The following COX10 variants were observed in gnomAD, a reference collection of about 807,000 sequenced individuals.
The protein encoded by COX10 is cytochrome c oxidase assembly factor heme A:farnesyltransferase COX10.
In COX10, 27 loss-of-function variants were observed where a neutral mutation model predicts 37.3. The ratio of observed to expected loss-of-function variants is 0.72; its 90% CI spans 0.53 to 1.00. The LOEUF (loss-of-function observed/expected upper bound fraction) is 1.00, where lower values mean the gene tolerates loss of function less well. Ranked by LOEUF, COX10 falls within the 50% of genes least tolerant of loss-of-function variation. The pLI, the probability that COX10 is intolerant of heterozygous loss-of-function variation, is 0.00. For missense variants in COX10, 475 were observed against 563.2 expected, an observed-to-expected ratio of 0.84 and a Z score of 1.59; for synonymous variants, 222 against 229.1, an observed-to-expected ratio of 0.97 and a Z score of 0.28.
chr17:14,070,381 G>A (rs1597488709), intron 1 of COX10, among the ~76,000 whole-genome samples: 1 of 152,020 alleles, frequency 6.6e-6, no homozygotes, highest in African/African-American at 2.4e-5. Context: ...TTATATACTC[G>A]TTTATTATTT....
intron 5 of COX10, among the ~76,000 whole-genome samples, chr17:14,184,185 C>A (rs1905955496): frequency 1.3e-5 from 2 of 152,132 alleles, no homozygotes; most frequent in Admixed American, 6.5e-5. Context: ...AGCCTTTTTA[C>A]CTAAGCAAGT....
chr17:14,170,101 A>G (rs1399804458), intron 5 of COX10, among the ~76,000 whole-genome samples: 1 of 152,234 alleles, frequency 6.6e-6, no homozygotes, highest in Non-Finnish European at 1.5e-5. Context: ...CAGAAGCCAG[A>G]GCCATGCCCT....
chr17:14,119,145 G>A (rs1916175774), intron 4 of COX10, among the ~76,000 whole-genome samples: 1 of 152,088 alleles, frequency 6.6e-6, no homozygotes, highest in African/African-American at 2.4e-5. Context: ...CTCATATGCA[G>A]AGTGTGTGGT....
chr17:14,109,418 T>A (rs1915966036), intron 4 of COX10, among the ~76,000 whole-genome samples: 2 of 152,166 alleles, frequency 1.3e-5, no homozygotes, highest in African/African-American at 4.8e-5. Flanking sequence ...CCAAAATAAC[T>A]CCAGGTGAGG....
At chr17:14,131,199 C>T (rs2142219454) in intron 4 of COX10, among the ~76,000 whole-genome samples, 1 of 152,194 alleles carries the variant, frequency 6.6e-6, no homozygotes, top group Middle Eastern at 3.4e-3. Flanking sequence ...TAAGCAGTTA[C>T]TGTAATTTAG....
At chr17:14,083,419 G>A (rs1204993965) in intron 3 of COX10, among the ~76,000 whole-genome samples, 2 of 152,128 alleles carry the variant, frequency 1.3e-5, no homozygotes, top group African/African-American at 4.8e-5. Context: ...CATCTCACAC[G>A]ATTCATTTAT....
intron 4 of COX10, among the ~76,000 whole-genome samples, chr17:14,115,471 G>C (rs1199827551): frequency 1.3e-5 from 2 of 152,068 alleles, no homozygotes; most frequent in African/African-American, 4.8e-5. Context: ...ATAATATGGA[G>C]ATCTCTCAAA....
At position 14,196,442 on chromosome 17, in the gene COX10, T is replaced by C. The variant is rs118182716; in HGVS notation, c.928+4221T>C. Among the ~76,000 whole-genome samples the C allele has an allele frequency of 3.9e-4, 60 of 152,302 alleles. No homozygotes were observed. The East Asian group carries it at 0.011, about 28-fold the overall frequency. On this transcript the variant is annotated intron_variant, in intron 6 of 6. Coordinates refer to ENST00000261643, the MANE Select transcript of COX10 (RefSeq NM_001303.4). ...GACCAGTTTCTTTGAGGAGGGAATATGCTTTCCAGGAAGAGGGAAGAGCCT... is the reference window on the plus strand; with the variant it reads ...GACCAGTTTCTTTGAGGAGGGAATACGCTTTCCAGGAAGAGGGAAGAGCCT...
chr17:14,179,157 A>G (rs1905777614), intron 5 of COX10: 1 of 579,162 alleles, frequency 1.7e-6, no homozygotes, highest in Non-Finnish European at 2.2e-6. Context: ...TGTGTTTCCT[A>G]GTTCAGTTAA....
intron 6 of COX10, among the ~76,000 whole-genome samples, chr17:14,196,427 T>C (rs936095275): frequency 1.3e-5 from 2 of 152,266 alleles, no homozygotes; most frequent in African/African-American, 4.8e-5. Flanking sequence ...GACCAGTTTC[T>C]TTGAGGAGGG....
intron 3 of COX10, among the ~76,000 whole-genome samples, chr17:14,098,069 A>T (rs967740021): frequency 2.0e-5 from 3 of 152,178 alleles, no homozygotes; most frequent in East Asian, 1.9e-4. Context: ...GAACCTATGG[A>T]TACAGAAGTC....
chr17:14,161,352 A>T (rs1416912507), intron 5 of COX10, among the ~76,000 whole-genome samples: 1 of 152,218 alleles, frequency 6.6e-6, no homozygotes, highest in Non-Finnish European at 1.5e-5. Flanking sequence ...CAATCACAGG[A>T]TAGTAAAATC....
chr17:14,119,027 T>C (rs1916173173), intron 4 of COX10, among the ~76,000 whole-genome samples: 1 of 152,148 alleles, frequency 6.6e-6, no homozygotes, highest in South Asian at 2.1e-4. Context: ...CCTCTCAGTA[T>C]TGTTTTCCAT....
At chr17:14,117,599 T>A (rs1249734824) in intron 4 of COX10, among the ~76,000 whole-genome samples, 2 of 152,176 alleles carry the variant, frequency 1.3e-5, no homozygotes, top group Non-Finnish European at 2.9e-5. Context: ...AACCTGCTGC[T>A]CAAACCCGGA....
chr17:14,114,575 C>G (rs552013202), intron 4 of COX10, among the ~76,000 whole-genome samples: 2 of 152,144 alleles, frequency 1.3e-5, no homozygotes, highest in South Asian at 4.1e-4. Context: ...TACTACAAAG[C>G]CTCAAGTTGC....
intron 5 of COX10, among the ~76,000 whole-genome samples, chr17:14,174,533 G>A (rs981166388): frequency 4.0e-5 from 6 of 149,832 alleles, no homozygotes; most frequent in African/African-American, 1.5e-4. Context: ...CGTTAAATAA[G>A]CAAAAGATTT....
At chr17:14,070,123 CAG>C (rs1315393427) in intron 1 of COX10, among the ~76,000 whole-genome samples, 1 of 152,130 alleles carries the variant, frequency 6.6e-6, no homozygotes, top group Non-Finnish European at 1.5e-5. Flanking sequence ...TAGTCCCCAT[CAG>C]ACTTTTGTCT....
chr17:14,184,677 A>G (rs959286383), intron 5 of COX10, among the ~76,000 whole-genome samples: 5 of 152,254 alleles, frequency 3.3e-5, no homozygotes, highest in African/African-American at 1.2e-4. Context: ...TAACAGAGCT[A>G]GTTCACAGCC....
chr17:14,148,267 A>G (rs967970461), intron 4 of COX10, among the ~76,000 whole-genome samples: 3 of 152,162 alleles, frequency 2.0e-5, no homozygotes, highest in Admixed American at 6.6e-5. Context: ...GGGAAAATCA[A>G]TGGGAAGGAG....
Sources: allele counts gnomAD v4.1 joint callset (sites outside exome capture counted in the v4.1 genomes callset), GRCh38; gene constraint gnomAD v4.1.1; transcripts MANE v1.5; gene names NCBI Gene and HGNC (gene_info 2026-07-23, HGNC 2026-07-21).